The following EVA1A variants were observed in gnomAD, a reference collection of about 807,000 sequenced individuals.
EVA1A encodes protein eva-1 homolog A.
Under a neutral mutation model 9.8 loss-of-function variants are expected in EVA1A, and 7 were observed. The observed-to-expected ratio is 0.71, with a 90% CI of 0.41 to 1.34. EVA1A has a LOEUF of 1.34. EVA1A is among the 40% of genes most tolerant of loss of function. The pLI, the probability that EVA1A is intolerant of heterozygous loss-of-function variation, is 0.01. For synonymous variants in EVA1A, 90 were observed against 85.6 expected (o/e 1.05, Z -0.28); for missense variants, 206 against 205.9 (o/e 1.00, Z 0.00).
At chr2:75,511,482 C>G (rs1674809612) in intron 3 of EVA1A, among the ~76,000 whole-genome samples, 1 of 152,114 alleles carries the variant, frequency 6.6e-6, no homozygotes, top group South Asian at 2.1e-4. Flanking sequence ...ACATGCTGAT[C>G]TAAAATATCT....
intron 2 of EVA1A, 41 bp from the exon 3 acceptor site, chr2:75,518,249 T>A: frequency 1.3e-6 from 2 of 1,499,252 alleles, no homozygotes; most frequent in Non-Finnish European, 1.8e-6. Flanking sequence ...AACATTCTGC[T>A]GTCCTGAGGC....
At chr2:75,531,253 T>C (rs13016674) in intron 1 of EVA1A, among the ~76,000 whole-genome samples, 23,555 of 152,138 alleles carry the variant, frequency 0.15, 1,911 homozygotes, top group African/African-American at 0.18. Context: ...CAAAAACTAA[T>C]AGATGTTGGC....
At chr2:75,551,117 G>C (rs1460840689) in intron 1 of EVA1A, among the ~76,000 whole-genome samples, 1 of 151,930 alleles carries the variant, frequency 6.6e-6, no homozygotes, top group African/African-American at 2.4e-5. Flanking sequence ...GCAAGACTCT[G>C]CTCAAAAACA....
chr2:75,545,667 G>A (rs1676303749), intron 1 of EVA1A, among the ~76,000 whole-genome samples: 1 of 146,616 alleles, frequency 6.8e-6, no homozygotes, highest in Non-Finnish European at 1.5e-5. Context: ...GCAGCCTGGA[G>A]GGCAGAAGCA....
intron 1 of EVA1A, among the ~76,000 whole-genome samples, chr2:75,530,976 A>G (rs989272644): frequency 3.9e-5 from 6 of 152,212 alleles, no homozygotes; most frequent in African/African-American, 1.4e-4. Context: ...CTGTTTGATG[A>G]TGATGTTATC....
chr2:75,559,773 G>T (rs2103994892), intron 1 of EVA1A, among the ~76,000 whole-genome samples: 1 of 151,626 alleles, frequency 6.6e-6, no homozygotes, highest in South Asian at 2.1e-4. Flanking sequence ...GGCTGGACTT[G>T]AAGTGTATGT....
At chr2:75,516,791 G>A (rs1675022137) in intron 3 of EVA1A, among the ~76,000 whole-genome samples, 2 of 152,184 alleles carry the variant, frequency 1.3e-5, no homozygotes, top group Non-Finnish European at 1.5e-5. Context: ...ACAGAGCTAA[G>A]GAAATTATGC....
At chr2:75,566,315 CA>C (rs1677027131) in intron 1 of EVA1A, among the ~76,000 whole-genome samples, 1 of 152,148 alleles carries the variant, frequency 6.6e-6, no homozygotes, top group Non-Finnish European at 1.5e-5. Flanking sequence ...TCCTAGATTC[CA>C]GATGTAGACA....
intron 1 of EVA1A, among the ~76,000 whole-genome samples, chr2:75,567,104 T>C (rs947244767): frequency 6.6e-6 from 1 of 152,138 alleles, no homozygotes; most frequent in African/African-American, 2.4e-5. Flanking sequence ...TCAAGTTAGA[T>C]CCCAAGTCAC....
intron 1 of EVA1A, among the ~76,000 whole-genome samples, chr2:75,523,844 A>G (rs1258273527): frequency 2.6e-5 from 4 of 152,110 alleles, no homozygotes; most frequent in South Asian, 2.1e-4. Context: ...TCACTCTCCA[A>G]TCGGAACCTC....
upstream of EVA1A, among the ~76,000 whole-genome samples, chr2:75,564,015 C>T (rs1403633542): frequency 6.6e-6 from 1 of 152,172 alleles, no homozygotes; most frequent in Non-Finnish European, 1.5e-5. Flanking sequence ...AGCTATTTTC[C>T]ATTTCTAGGG....
rs1558676740 is a variant in EVA1A at position 75,514,337 on chromosome 2, A to G, written c.85+3719T>C. Reference sequence around the variant, plus strand: ...AGAAAGAGCATATTTAAAGAGAAGGACAATATTCTATTCTAGGCTGGAGTG... The same window carrying G: ...AGAAAGAGCATATTTAAAGAGAAGGGCAATATTCTATTCTAGGCTGGAGTG... On this transcript the variant is annotated intron_variant, in intron 3 of 3. Transcript: ENST00000393913. 3.3e-5 allele frequency among the ~76,000 whole-genome samples: 5 copies of G among 152,318 alleles called. No homozygotes were observed. The South Asian group carries it at 1.0e-3, about 32-fold the overall frequency.
chr2:75,568,991 A>G (rs1013896657), intron 1 of EVA1A, among the ~76,000 whole-genome samples: 3 of 152,170 alleles, frequency 2.0e-5, no homozygotes, highest in African/African-American at 7.2e-5. Flanking sequence ...TGGGTAGATA[A>G]CCAGTAGTGG....
intron 3 of EVA1A, among the ~76,000 whole-genome samples, chr2:75,514,712 A>G (rs1674942747): frequency 6.6e-6 from 1 of 152,170 alleles, no homozygotes; most frequent in Non-Finnish European, 1.5e-5. Flanking sequence ...TTCAATTAAT[A>G]CAAATTTTCC....
chr2:75,517,790 C>A (rs1430000698), intron 3 of EVA1A: 1 of 718,826 alleles, frequency 1.4e-6, no homozygotes, highest in Non-Finnish European at 2.6e-6. Context: ...CAACAGTAGC[C>A]CTGGGCCACT....
At chr2:75,494,937 G>A (rs970634396) in intron 3 of EVA1A, among the ~76,000 whole-genome samples, 10 of 152,088 alleles carry the variant, frequency 6.6e-5, no homozygotes, top group African/African-American at 2.4e-4. Context: ...GTATGCTTAG[G>A]GGGCCTAGTT....
intron 1 of EVA1A, among the ~76,000 whole-genome samples, chr2:75,537,788 C>G (rs1439628930): frequency 1.3e-5 from 2 of 152,178 alleles, no homozygotes; most frequent in Non-Finnish European, 2.9e-5. Flanking sequence ...CCTAGCATCT[C>G]TCTTGCTCCT....
chr2:75,529,688 T>C (rs903782693), intron 1 of EVA1A, among the ~76,000 whole-genome samples: 1 of 152,144 alleles, frequency 6.6e-6, no homozygotes, highest in African/African-American at 2.4e-5. Flanking sequence ...ATTTAAAAAT[T>C]GTCTGAACTG....
chr2:75,495,298 G>C (rs980695306), intron 3 of EVA1A, among the ~76,000 whole-genome samples: 2 of 152,166 alleles, frequency 1.3e-5, no homozygotes, highest in Non-Finnish European at 2.9e-5. Flanking sequence ...AGCACATTGT[G>C]GGGGCAACCA....
Sources: allele counts gnomAD v4.1 joint callset (sites outside exome capture counted in the v4.1 genomes callset), GRCh38; gene constraint gnomAD v4.1.1; transcripts MANE v1.5; gene names NCBI Gene and HGNC (gene_info 2026-07-23, HGNC 2026-07-21).